The following GNA14 variants were observed in gnomAD, a reference collection of about 807,000 sequenced individuals.
GNA14 encodes guanine nucleotide-binding protein subunit alpha-14.
Under a neutral mutation model 42.0 loss-of-function variants are expected in GNA14, and 50 were observed. That is an observed-to-expected ratio of 1.19 (90% CI 0.95 to 1.51). The LOEUF is 1.51. GNA14 is among the 40% of genes most tolerant of loss of function. The pLI is 0.00. For missense variants in GNA14, 473 were observed against 446.2 expected, an observed-to-expected ratio of 1.06 and a Z score of -0.54; for synonymous variants, 173 against 163.1, an observed-to-expected ratio of 1.06 and a Z score of -0.46.
chr9:77,434,963 G>A (rs1297535478), intron 2 of GNA14, among the ~76,000 whole-genome samples: 3 of 151,574 alleles, frequency 2.0e-5, no homozygotes, highest in Non-Finnish European at 2.9e-5. Flanking sequence ...TGGTCCACCT[G>A]GTACAGGCAA....
chr9:77,456,208 C>T (rs924762651), intron 2 of GNA14: 1 of 152,126 alleles, frequency 6.6e-6, no homozygotes, highest in Non-Finnish European at 1.5e-5. Context: ...ACCAGAACAA[C>T]CATTCAATTC....
At chr9:77,627,730 A>T (rs1238331068) in intron 1 of GNA14, among the ~76,000 whole-genome samples, 1 of 152,216 alleles carries the variant, frequency 6.6e-6, no homozygotes, top group Non-Finnish European at 1.5e-5. Flanking sequence ...CTAGGTATTG[A>T]TGGAACGTAT....
chr9:77,616,575 A>C (rs560390401), intron 1 of GNA14, among the ~76,000 whole-genome samples: 1 of 152,232 alleles, frequency 6.6e-6, no homozygotes, highest in African/African-American at 2.4e-5. Flanking sequence ...AGTATTACAC[A>C]CGAGGTACAG....
intron 2 of GNA14, among the ~76,000 whole-genome samples, chr9:77,435,988 G>A (rs1346417704): frequency 6.6e-6 from 1 of 152,178 alleles, no homozygotes; most frequent in Non-Finnish European, 1.5e-5. Flanking sequence ...TTGGTAGCTG[G>A]GATCTCAAGT....
intron 2 of GNA14, among the ~76,000 whole-genome samples, chr9:77,438,656 G>A (rs1835678825): frequency 1.3e-5 from 2 of 152,010 alleles, no homozygotes; most frequent in African/African-American, 4.8e-5. Context: ...CTTCTTCTAT[G>A]CCTTTCAAGA....
chr9:77,492,893 C>T (rs1422723083), intron 2 of GNA14, among the ~76,000 whole-genome samples: 6 of 149,090 alleles, frequency 4.0e-5, no homozygotes, highest in East Asian at 2.0e-4. Context: ...CCCAGCTACT[C>T]GGGAGGCTGA....
chr9:77,443,605 A>G (rs1046891790), intron 2 of GNA14, among the ~76,000 whole-genome samples: 1 of 152,188 alleles, frequency 6.6e-6, no homozygotes, highest in African/African-American at 2.4e-5. Context: ...TCCAACAACA[A>G]AAATAAATAA....
chr9:77,478,674 T>A (rs1181709867), intron 2 of GNA14, among the ~76,000 whole-genome samples: 1 of 152,280 alleles, frequency 6.6e-6, no homozygotes, highest in East Asian at 1.9e-4. Context: ...TTTCTCCACA[T>A]CCTCTCCAGC....
intron 1 of GNA14, among the ~76,000 whole-genome samples, chr9:77,558,100 C>A (rs191807713): frequency 1.3e-5 from 2 of 152,244 alleles, no homozygotes; most frequent in Admixed American, 6.5e-5. Flanking sequence ...AAAAATAATT[C>A]TTAAGACAAT....
chr9:77,466,286 A>C (rs2165962), intron 2 of GNA14, among the ~76,000 whole-genome samples: 93,285 of 152,014 alleles, frequency 0.61, 30,045 homozygotes, highest in East Asian at 0.86. Context: ...ATCTGAGACC[A>C]TGCTTCCTTT....
At chr9:77,570,026 A>G (rs1372224825) in intron 1 of GNA14, among the ~76,000 whole-genome samples, 1 of 152,068 alleles carries the variant, frequency 6.6e-6, no homozygotes, top group African/African-American at 2.4e-5. Context: ...CGGCCTCCCA[A>G]AGTGCTGGGA....
chr9:77,571,440 A>G (rs1047748204), intron 1 of GNA14, among the ~76,000 whole-genome samples: 1 of 152,190 alleles, frequency 6.6e-6, no homozygotes, highest in Non-Finnish European at 1.5e-5. Flanking sequence ...GTCATCCAAT[A>G]TGGTGCCTAC....
In GNA14 at chr9:77,449,907, T is replaced by C. The variant is rs1260536306; in HGVS notation, c.310-15385A>G. On this transcript the variant is annotated intron_variant, in intron 2 of 6. Coordinates refer to ENST00000341700, the MANE Select transcript of GNA14 (RefSeq NM_004297.4). ...CAGGCCTCCTTCTAGACATTCCCTG[T>C]GTGTGCCTCACAGTGACTCAGACCC... Among the ~76,000 whole-genome samples the C allele has an allele frequency of 3.3e-5, 5 of 152,202 alleles. No homozygotes were observed. In the East Asian group the frequency reaches 9.6e-4, roughly 29 times the overall value.
At chr9:77,506,496 G>A (rs11145446) in intron 2 of GNA14, among the ~76,000 whole-genome samples, 33,428 of 151,738 alleles carry the variant, frequency 0.22, 3,887 homozygotes, top group East Asian at 0.45. Context: ...GGCCAGTGTG[G>A]TGAAACCACA....
At chr9:77,531,715 T>G (rs912069434) in intron 1 of GNA14, among the ~76,000 whole-genome samples, 9 of 152,316 alleles carry the variant, frequency 5.9e-5, no homozygotes, top group African/African-American at 1.9e-4. Flanking sequence ...AAATCTACAC[T>G]AAGAGAATCT....
Position 77,506,641 on chromosome 9 carries a change from C to T in GNA14, c.309+22428G>A, listed in dbSNP as rs181905501. On this transcript the variant is annotated intron_variant, in intron 2 of 6. Coordinates refer to ENST00000341700, the MANE Select transcript of GNA14 (RefSeq NM_004297.4). ...GCAGTGAGCCGAGATCAGGCCACTA[C>T]ACTCCACCCTGTCAACAGAGCGAGA... Among the ~76,000 whole-genome samples, 32 of 152,202 alleles carry T rather than the reference C, an allele frequency of 2.1e-4. No individual in the cohort carries two copies. The East Asian group carries it at 4.4e-3, about 21-fold the overall frequency.
intron 1 of GNA14, chr9:77,580,447 T>A (rs1032875736): frequency 3.1e-6 from 1 of 320,220 alleles, no homozygotes; most frequent in African/African-American, 2.2e-5. Context: ...CAGTACAGCA[T>A]CACAGGCACA....
chr9:77,561,201 C>T (rs1302982886), intron 1 of GNA14, among the ~76,000 whole-genome samples: 2 of 152,176 alleles, frequency 1.3e-5, no homozygotes, highest in African/African-American at 4.8e-5. Context: ...CAGACCCCTA[C>T]AAGGCTGAAC....
rs1835607881 is a variant in GNA14 at position 77,434,367 on chromosome 9, C to A, written c.464+1G>T. 6.2e-7 allele frequency: 1 copy of A among 1,613,230 alleles called. No individual in the cohort carries two copies. Among genetic ancestry groups the A allele is most frequent in the Non-Finnish European group, 8.5e-7 (1 of 1,179,728 alleles). ...GCGGCCAGGGTGGGCTCTGTACTCACTATTTGGCAGAGTCCGACAGCTGGT... is the reference window on the plus strand; with the variant it reads ...GCGGCCAGGGTGGGCTCTGTACTCAATATTTGGCAGAGTCCGACAGCTGGT... On this transcript the variant is annotated splice_donor_variant, in intron 3 of 6. Coordinates refer to ENST00000341700, the MANE Select transcript of GNA14 (RefSeq NM_004297.4). LOFTEE classifies it high-confidence loss of function.
Sources: allele counts gnomAD v4.1 joint callset (sites outside exome capture counted in the v4.1 genomes callset), GRCh38; gene constraint gnomAD v4.1.1; transcripts MANE v1.5; gene names NCBI Gene and HGNC (gene_info 2026-07-23, HGNC 2026-07-21).